The following SH3PXD2A variants were observed in gnomAD, a reference collection of about 807,000 sequenced individuals.
The protein encoded by SH3PXD2A is SH3 and PX domain-containing protein 2A.
In SH3PXD2A, 32 loss-of-function variants were observed where a neutral mutation model predicts 115.2. The observed-to-expected ratio is 0.28, with a 90% confidence interval of 0.21 to 0.37. SH3PXD2A has a LOEUF of 0.37. SH3PXD2A is among the 10% of genes least tolerant of loss of function. SH3PXD2A has a pLI of 1.00. For missense variants in SH3PXD2A, 1,328 were observed against 1,498.7 expected, an observed-to-expected ratio of 0.89 and a Z score of 1.88; for synonymous variants, 610 against 629.1, an observed-to-expected ratio of 0.97 and a Z score of 0.45.
At chr10:103,633,469 T>C (rs2036815036) in intron 8 of SH3PXD2A, among the ~76,000 whole-genome samples, 1 of 151,652 alleles carries the variant, frequency 6.6e-6, no homozygotes, top group Admixed American at 6.6e-5. Flanking sequence ...ACGGCTGTAA[T>C]CCCTGTAGCA....
chr10:103,640,014 A>T (rs1342152243), intron 8 of SH3PXD2A, among the ~76,000 whole-genome samples: 2 of 152,166 alleles, frequency 1.3e-5, no homozygotes, highest in African/African-American at 4.8e-5. Context: ...CAAGAGAAAG[A>T]GTAAGAAAGG....
At chr10:103,839,655 A>C (rs2039578795) in intron 1 of SH3PXD2A, among the ~76,000 whole-genome samples, 6 of 149,932 alleles carry the variant, frequency 4.0e-5, no homozygotes, top group Admixed American at 4.0e-4. Context: ...GCAGCCCCTG[A>C]GTGGCAAGGC....
intron 2 of SH3PXD2A, among the ~76,000 whole-genome samples, chr10:103,796,888 G>A (rs1233180659): frequency 7.1e-6 from 1 of 141,032 alleles, no homozygotes; most frequent in Non-Finnish European, 1.5e-5. Context: ...TTGAGATAGG[G>A]TGTTACTCTG....
intron 3 of SH3PXD2A, chr10:103,749,778 C>T (rs7098365): frequency 0.32 from 48,147 of 152,130 alleles, 8,972 homozygotes; most frequent in African/African-American, 0.53. Context: ...CATCTCTTTC[C>T]CAGATACTCA....
chr10:103,664,266 A>G (rs2037353903), intron 7 of SH3PXD2A, among the ~76,000 whole-genome samples: 1 of 152,236 alleles, frequency 6.6e-6, no homozygotes, highest in African/African-American at 2.4e-5. Flanking sequence ...AAACAAGAAT[A>G]GAGAGTTCTG....
intron 12 of SH3PXD2A, 89 bp from the exon 13 acceptor site, chr10:103,611,719 G>A (rs1045704243): frequency 4.1e-6 from 4 of 985,948 alleles, no homozygotes; most frequent in African/African-American, 1.6e-5. Flanking sequence ...ACTAACTCCT[G>A]ATCCTTCAAG....
chr10:103,603,748 G>A lies in SH3PXD2A; in HGVS notation c.1470C>T (p.Ile490=), dbSNP rs763706600. Reference sequence around the variant, plus strand: ...CGGGGGCCCAGCCCTCCTTCTCACCGATCTGCACGTACCACCAGCCACCTG... The same window carrying A: ...CGGGGGCCCAGCCCTCCTTCTCACCAATCTGCACGTACCACCAGCCACCTG... ...KNSGGWWYVQ[I]GEKEGWAPAS... The change falls in exon 15 of 15, where the codon ATC becomes ATT. Residue 490 remains isoleucine (I), a synonymous_variant. Transcript: ENST00000369774. The A allele has an allele frequency of 2.5e-5, 40 of 1,610,616 alleles. No individual in the cohort carries two copies. The highest frequency in any genetic ancestry group is 9.9e-5 in the South Asian group (9 of 91,064).
intron 1 of SH3PXD2A, among the ~76,000 whole-genome samples, chr10:103,836,265 A>G (rs1423121590): frequency 2.0e-5 from 3 of 152,098 alleles, no homozygotes; most frequent in Admixed American, 2.0e-4. Context: ...GCTCTCAAGG[A>G]TAAAAGATTG....
chr10:103,781,887 T>G (rs2038934275), intron 2 of SH3PXD2A, among the ~76,000 whole-genome samples: 1 of 152,028 alleles, frequency 6.6e-6, no homozygotes. Flanking sequence ...GACACAAAGC[T>G]GAATTGCAGG....
intron 9 of SH3PXD2A, 81 bp from the exon 10 acceptor site, chr10:103,622,634 G>T: frequency 2.3e-6 from 2 of 870,104 alleles, no homozygotes. Flanking sequence ...ATGGGATGGG[G>T]GTGGGAGGAA....
chr10:103,793,161 A>G (rs1455024350), intron 2 of SH3PXD2A, among the ~76,000 whole-genome samples: 2 of 152,226 alleles, frequency 1.3e-5, no homozygotes, highest in African/African-American at 2.4e-5. Flanking sequence ...TAAAAGAGTA[A>G]AACATTAAGA....
rs952325005 is a variant in SH3PXD2A, at chr10:103,765,070, C to T, written c.229+2024G>A. Among the ~76,000 whole-genome samples the T allele has an allele frequency of 9.8e-5, 15 of 152,292 alleles. 1 individual carries two copies. Among genetic ancestry groups the T allele is most frequent in the African/African-American group, 2.2e-4 (9 of 41,546 alleles). ...TTATTTTATGCTTGAAACAGCCCCA[C>T]GAAGTACATTCTATCATTATCCCCA... On this transcript the variant is annotated intron_variant, in intron 3 of 14. Transcript: ENST00000369774.
At chr10:103,702,126 A>G (rs1194554978) in intron 5 of SH3PXD2A, among the ~76,000 whole-genome samples, 2 of 150,374 alleles carry the variant, frequency 1.3e-5, no homozygotes, top group African/African-American at 4.9e-5. Flanking sequence ...TCCATCCATC[A>G]TTCATCTACC....
intron 3 of SH3PXD2A, chr10:103,750,057 ATTG>A (rs1589440272): frequency 1.3e-5 from 2 of 152,066 alleles, no homozygotes; most frequent in East Asian, 3.9e-4. Context: ...ATACATTTTT[ATTG>A]TTGTTGTTTG....
chr10:103,835,673 C>T (rs547837277), intron 1 of SH3PXD2A, among the ~76,000 whole-genome samples: 3 of 152,150 alleles, frequency 2.0e-5, no homozygotes, highest in African/African-American at 7.2e-5. Flanking sequence ...GCCGCCCCCC[C>T]AACCCCTCAC....
chr10:103,651,795 C>G (rs553397465), intron 8 of SH3PXD2A, among the ~76,000 whole-genome samples: 1 of 152,238 alleles, frequency 6.6e-6, no homozygotes, highest in African/African-American at 2.4e-5. Flanking sequence ...GAGCAGGCAT[C>G]TCTCCAGGTG....
chr10:103,744,804 C>T (rs1430733399), intron 3 of SH3PXD2A, among the ~76,000 whole-genome samples: 1 of 152,362 alleles, frequency 6.6e-6, no homozygotes, highest in East Asian at 1.9e-4. Context: ...ACACCATGCC[C>T]TGAGTTCTGG....
intron 5 of SH3PXD2A, among the ~76,000 whole-genome samples, chr10:103,696,339 G>A (rs968935418): frequency 6.6e-6 from 1 of 152,168 alleles, no homozygotes; most frequent in African/African-American, 2.4e-5. Context: ...TCCAGTGGCT[G>A]GGACTCTCCC....
chr10:103,767,269 T>C (rs1294534298), intron 2 of SH3PXD2A, 100 bp from the exon 3 acceptor site: 2 of 837,510 alleles, frequency 2.4e-6, no homozygotes, highest in Non-Finnish European at 4.0e-6. Context: ...CCCAGTGTCC[T>C]CACACGGATG....
Sources: gnomAD v4.1 joint callset for allele counts (sites outside exome capture counted in the v4.1 genomes callset) on GRCh38, gnomAD v4.1.1 for gene constraint, MANE v1.5 for transcripts, NCBI Gene and HGNC (gene_info 2026-07-23, HGNC 2026-07-21) for gene names.